BMPER: variants seen among roughly 807,000 people sequenced by gnomAD.
The protein encoded by BMPER is BMP-binding endothelial regulator protein.
Under a neutral mutation model 87.3 loss-of-function variants are expected in BMPER, and 45 were observed. The ratio of observed to expected loss-of-function variants is 0.52; its 90% CI spans 0.41 to 0.66. The LOEUF (loss-of-function observed/expected upper bound fraction) is 0.66. Ranked by LOEUF, BMPER falls within the 30% of genes least tolerant of loss-of-function variation. BMPER has a pLI of 0.00. For missense variants in BMPER, 784 were observed against 867.5 expected (o/e 0.90, Z 1.21); for synonymous variants, 326 against 316.2 (o/e 1.03, Z -0.33).
At chr7:33,990,832 T>C (rs571663734) in intron 6 of BMPER, among the ~76,000 whole-genome samples, 1 of 113,452 alleles carries the variant, frequency 8.8e-6, no homozygotes, top group African/African-American at 3.4e-5. Flanking sequence ...TGAAGGGTTG[T>C]TGAATTTTGT....
At chr7:33,985,532 G>A (rs1785980403) in intron 6 of BMPER, among the ~76,000 whole-genome samples, 1 of 152,032 alleles carries the variant, frequency 6.6e-6, no homozygotes, top group Admixed American at 6.6e-5. Flanking sequence ...GTGGGTCAAC[G>A]AATCAAATAT....
At position 34,061,878 on chromosome 7, in the gene BMPER, T is replaced by C. The variant is rs1369337726; in HGVS notation, c.1033-124T>C. On this transcript the variant is annotated intron_variant, in intron 10 of 14. Coordinates refer to ENST00000649409, the MANE Select transcript of BMPER (RefSeq NM_001365308.1). ...TCACCATCTGGGCATTGAGTTCAAA[T>C]ACAGCTTGGACTGATTTCATTGGTT... 8.3e-6 allele frequency: 7 copies of C among 841,568 alleles called. No homozygotes were observed. In the Admixed American group the frequency reaches 1.1e-4, roughly 13 times the overall value. 52.1% of individuals were successfully genotyped at this position (841,568 alleles called of 1,614,324 possible).
intron 11 of BMPER, among the ~76,000 whole-genome samples, chr7:34,068,011 A>G (rs574415091): frequency 1.1e-4 from 16 of 152,306 alleles, no homozygotes; most frequent in Non-Finnish European, 1.6e-4. Context: ...TGAATTAACA[A>G]TCACCACCAT....
At chr7:33,949,651 T>C (rs1417900938) in intron 3 of BMPER, among the ~76,000 whole-genome samples, 3 of 152,184 alleles carry the variant, frequency 2.0e-5, no homozygotes, top group African/African-American at 7.2e-5. Context: ...CTCACATGCT[T>C]CTTGATGAAA....
At chr7:34,128,170 A>G (rs530188080) in intron 13 of BMPER, among the ~76,000 whole-genome samples, 59 of 152,186 alleles carry the variant, frequency 3.9e-4, no homozygotes, top group African/African-American at 1.3e-3. Context: ...TAAAGTATAC[A>G]TTTTTCTAAA....
chr7:34,031,883 CATATATATATATATATATATATATATAT>C (rs757962483), intron 6 of BMPER, among the ~76,000 whole-genome samples: 12 of 53,070 alleles, frequency 2.3e-4, no homozygotes, highest in East Asian at 6.9e-4. Flanking sequence ...TTAATTTGAC[CATATATATATATATATATATATATATAT>C]ATATATATAT....
intron 2 of BMPER, among the ~76,000 whole-genome samples, chr7:33,909,692 A>AG (rs1210363873): frequency 1.6e-4 from 21 of 135,410 alleles, no homozygotes; most frequent in African/African-American, 5.5e-4. Context: ...AAAAAAAAAA[A>AG]AAAAGAAAGA....
At chr7:34,039,833 T>G (rs1049704902) in intron 6 of BMPER, among the ~76,000 whole-genome samples, 1 of 152,110 alleles carries the variant, frequency 6.6e-6, no homozygotes, top group Non-Finnish European at 1.5e-5. Flanking sequence ...TAGGGTGGGC[T>G]GAAAGCTGAG....
intron 3 of BMPER, among the ~76,000 whole-genome samples, chr7:33,952,045 T>C (rs1392229126): frequency 6.6e-6 from 1 of 152,180 alleles, no homozygotes; most frequent in Non-Finnish European, 1.5e-5. Flanking sequence ...TGTAGTATAG[T>C]ATAGTACTAA....
At chr7:34,136,535 G>A (rs192665344) in intron 13 of BMPER, among the ~76,000 whole-genome samples, 29 of 152,240 alleles carry the variant, frequency 1.9e-4, no homozygotes, top group Middle Eastern at 3.4e-3. Flanking sequence ...TGCTCACTCA[G>A]CTAGGACTCT....
At chr7:34,149,635 C>T (rs908895190) in intron 14 of BMPER, among the ~76,000 whole-genome samples, 4 of 151,386 alleles carry the variant, frequency 2.6e-5, no homozygotes, top group African/African-American at 7.3e-5. Context: ...TAAAGAAACC[C>T]GAGAGAGAGA....
At chr7:33,994,385 A>T (rs1786335898) in intron 6 of BMPER, among the ~76,000 whole-genome samples, 1 of 152,210 alleles carries the variant, frequency 6.6e-6, no homozygotes, top group South Asian at 2.1e-4. Context: ...CCGATTTTCC[A>T]GGTGCCGTCT....
At chr7:33,945,895 A>G (rs1046073262) in intron 3 of BMPER, among the ~76,000 whole-genome samples, 2 of 152,086 alleles carry the variant, frequency 1.3e-5, no homozygotes, top group African/African-American at 4.8e-5. Context: ...GCAGAGGGTG[A>G]CCATGTCCTC....
At chr7:34,055,026 T>C (rs1788245589) in intron 8 of BMPER, 137 bp from the exon 9 acceptor site, 1 of 1,259,890 alleles carries the variant, frequency 7.9e-7, no homozygotes, top group African/African-American at 1.5e-5. Context: ...GAATGAAAGA[T>C]TTATTGCAAT....
At chr7:34,152,301 G>A (rs1467623849) in intron 14 of BMPER, among the ~76,000 whole-genome samples, 1 of 152,160 alleles carries the variant, frequency 6.6e-6, no homozygotes, top group Non-Finnish European at 1.5e-5. Flanking sequence ...GGAATGAGGG[G>A]CGGCCCCTTC....
At chr7:34,068,724 T>C (rs2127968926) in intron 11 of BMPER, among the ~76,000 whole-genome samples, 1 of 152,360 alleles carries the variant, frequency 6.6e-6, no homozygotes, top group East Asian at 1.9e-4. Context: ...GAAATAACTC[T>C]GTATATAATT....
At chr7:33,923,076 G>T (rs1183909430) in intron 2 of BMPER, among the ~76,000 whole-genome samples, 2 of 152,112 alleles carry the variant, frequency 1.3e-5, no homozygotes, top group African/African-American at 4.8e-5. Flanking sequence ...GTGCCTGCCT[G>T]TATGTGTAGA....
At chr7:33,957,283 C>T (rs1168299725) in intron 3 of BMPER, among the ~76,000 whole-genome samples, 1 of 151,198 alleles carries the variant, frequency 6.6e-6, no homozygotes, top group Non-Finnish European at 1.5e-5. Context: ...TAAAAAGGAA[C>T]AAACAATTGA....
intron 3 of BMPER, among the ~76,000 whole-genome samples, chr7:33,961,708 G>A (rs1171078725): frequency 6.6e-6 from 1 of 152,148 alleles, no homozygotes; most frequent in African/African-American, 2.4e-5. Context: ...GCCCTTAGAA[G>A]GCAGCTGTAG....
Sources: gnomAD v4.1 joint callset for allele counts (sites outside exome capture counted in the v4.1 genomes callset) on GRCh38, gnomAD v4.1.1 for gene constraint, MANE v1.5 for transcripts, NCBI Gene and HGNC (gene_info 2026-07-23, HGNC 2026-07-21) for gene names.